The following PHIP variants were observed in gnomAD, a reference collection of about 807,000 sequenced individuals.
PHIP encodes the protein PHIP subunit of CUL4-Ring ligase complex.
PHIP carries 54 observed loss-of-function variants against 236.8 expected under a neutral mutation model. The observed-to-expected ratio is 0.23, with a 90% CI of 0.18 to 0.29. The LOEUF (loss-of-function observed/expected upper bound fraction) is 0.29. Among genes scored for constraint, PHIP ranks in the 10% least tolerant of loss-of-function variants. The probability of loss-of-function intolerance (pLI) is 1.00; values close to 1 mark genes in which losing one functional copy is unlikely to be tolerated. For synonymous variants in PHIP, 756 were observed against 718.9 expected, an observed-to-expected ratio of 1.05 and a Z score of -0.83; for missense variants, 1,370 against 2,190.8, an observed-to-expected ratio of 0.63 and a Z score of 7.48.
chr6:79,048,705 A>C (rs1264690769), intron 6 of PHIP, among the ~76,000 whole-genome samples: 2 of 152,248 alleles, frequency 1.3e-5, no homozygotes, highest in Middle Eastern at 3.2e-3. Context: ...GTTAATAACA[A>C]TATAATATGC....
intron 38 of PHIP, 101 bp from the exon 39 acceptor site, chr6:78,945,598 C>G (rs1773769598): frequency 2.7e-6 from 2 of 732,178 alleles, no homozygotes; most frequent in Non-Finnish European, 4.6e-6. Context: ...ACAACAAAAC[C>G]TGAAGGATGC....
At chr6:79,052,686 G>T (rs1772856589) in intron 6 of PHIP, among the ~76,000 whole-genome samples, 1 of 152,138 alleles carries the variant, frequency 6.6e-6, no homozygotes, top group Non-Finnish European at 1.5e-5. Context: ...TAATCAGCTT[G>T]ACACCAAAAT....
chr6:79,022,579 T>C (rs1032885265), intron 9 of PHIP, among the ~76,000 whole-genome samples: 3 of 152,188 alleles, frequency 2.0e-5, no homozygotes, highest in African/African-American at 7.2e-5. Flanking sequence ...TGCTTAGTAC[T>C]AGCTTGGCAG....
At position 79,056,419 on chromosome 6, in the gene PHIP, G is replaced by T. The variant is rs1192692034; in HGVS notation, c.439+4059C>A. 2.0e-5 allele frequency among the ~76,000 whole-genome samples: 3 copies of T among 152,136 alleles called. No homozygotes were observed. In the East Asian group the frequency reaches 5.8e-4, roughly 29 times the overall value. On this transcript the variant is annotated intron_variant, in intron 6 of 39. Transcript: ENST00000275034. Reference sequence around the variant, plus strand: ...TGGCAGGAAAAGTGGGAAAAGGTCAGTCTTGTGTGACACATTAAAATGGTT... The same window carrying T: ...TGGCAGGAAAAGTGGGAAAAGGTCATTCTTGTGTGACACATTAAAATGGTT...
chr6:78,998,294 A>G lies in PHIP; in HGVS notation c.1977T>C (p.Ser659=). Residue 659 remains serine (S), a synonymous_variant, in exon 18 of 40, where the codon TCT becomes TCC. Transcript: ENST00000275034. ...TGGTATTACTGATAACTGCTTCACC[A>G]GAACGTCTCAGGTCTTGCTCCTGTT... ...RLQQEQDLRR[S]GEAVISNTSR... The G allele has an allele frequency of 6.2e-7, 1 of 1,610,982 alleles. No individual in the cohort carries two copies. Among genetic ancestry groups the G allele is most frequent in the Non-Finnish European group, 8.5e-7 (1 of 1,177,180 alleles).
chr6:78,997,971 A>G (rs1277464624), intron 18 of PHIP, among the ~76,000 whole-genome samples: 1 of 152,218 alleles, frequency 6.6e-6, no homozygotes, highest in Non-Finnish European at 1.5e-5. Context: ...TACAACAATA[A>G]GGGTGATGAG....
intron 4 of PHIP, among the ~76,000 whole-genome samples, chr6:79,072,039 T>C (rs1359804162): frequency 6.6e-6 from 1 of 151,998 alleles, no homozygotes; most frequent in Non-Finnish European, 1.5e-5. Flanking sequence ...TACCTAAAGC[T>C]AAAGTCTTTC....
intron 6 of PHIP, among the ~76,000 whole-genome samples, chr6:79,051,265 G>A (rs1772780350): frequency 6.6e-6 from 1 of 152,018 alleles, no homozygotes; most frequent in Admixed American, 6.6e-5. Context: ...CATAGAAACA[G>A]GACAAATAAA....
At chr6:78,957,053 C>T (rs1165282554) in intron 32 of PHIP, 4 of 151,978 alleles carry the variant, frequency 2.6e-5, no homozygotes. Flanking sequence ...TTTAAACAAA[C>T]TATACACATC....
In PHIP at chr6:78,945,378, GCTTTTC is replaced by G. The variant is rs775416929; in HGVS notation, c.4744_4749del (p.Glu1582_Lys1583del). On this transcript the variant is annotated inframe_deletion, in exon 39 of 40. Transcript: ENST00000275034. ...GATGACTTCATTTTACGTTTGACTG[GCTTTTC>G]CTTTTCCATGTTTTCTTTTGCAGAA... 3.1e-6 allele frequency: 5 copies of G among 1,613,442 alleles called. No individual in the cohort carries two copies. In the African/African-American group the frequency reaches 4.0e-5, roughly 13 times the overall value.
intron 4 of PHIP, among the ~76,000 whole-genome samples, chr6:79,071,375 T>C (rs1030283029): frequency 1.3e-5 from 2 of 152,316 alleles, no homozygotes; most frequent in Middle Eastern, 3.4e-3. Context: ...CTATATTCCA[T>C]AGGTCCAATA....
At chr6:79,011,626 A>G (rs765531086) in intron 15 of PHIP, among the ~76,000 whole-genome samples, 16 of 151,762 alleles carry the variant, frequency 1.1e-4, no homozygotes, top group Non-Finnish European at 1.8e-4. Flanking sequence ...CCACTCCCCA[A>G]CTGCTTTTAT....
At chr6:78,999,013 G>T (rs1388354951) in intron 17 of PHIP, among the ~76,000 whole-genome samples, 1 of 152,080 alleles carries the variant, frequency 6.6e-6, no homozygotes, top group Admixed American at 6.6e-5. Context: ...AATAAAGAAG[G>T]TGATGGTGGG....
intron 29 of PHIP, 57 bp downstream of exon 29, chr6:78,965,646 A>G: frequency 2.1e-6 from 2 of 970,142 alleles, no homozygotes; most frequent in Non-Finnish European, 3.2e-6. Context: ...AATCTTAAAT[A>G]ATTTCTTAAG....
chr6:79,066,332 T>C (rs1287851399), intron 4 of PHIP, among the ~76,000 whole-genome samples: 1 of 152,170 alleles, frequency 6.6e-6, no homozygotes, highest in Non-Finnish European at 1.5e-5. Context: ...TACATGGAAC[T>C]ACTCATAACT....
intron 7 of PHIP, among the ~76,000 whole-genome samples, chr6:79,034,988 T>C (rs1238936042): frequency 1.3e-5 from 2 of 152,110 alleles, no homozygotes; most frequent in Non-Finnish European, 2.9e-5. Flanking sequence ...CTGAAATCAG[T>C]TGGAACCAAG....
At chr6:78,968,031 G>A (rs964065194) in intron 27 of PHIP, among the ~76,000 whole-genome samples, 2 of 152,136 alleles carry the variant, frequency 1.3e-5, no homozygotes, top group South Asian at 2.1e-4. Flanking sequence ...CCAGCTAATC[G>A]GGAGGCTGAG....
At chr6:78,997,809 A>G (rs1769722105) in intron 18 of PHIP, among the ~76,000 whole-genome samples, 1 of 152,228 alleles carries the variant, frequency 6.6e-6, no homozygotes, top group Non-Finnish European at 1.5e-5. Flanking sequence ...TCAATGAATC[A>G]TAACTATAGA....
intron 20 of PHIP, among the ~76,000 whole-genome samples, chr6:78,990,454 AATATT>A (rs1769160787): frequency 6.6e-6 from 1 of 152,178 alleles, no homozygotes. Context: ...GAAAATGAGA[AATATT>A]ATCTATAGCA....
Sources: allele counts gnomAD v4.1 joint callset (sites outside exome capture counted in the v4.1 genomes callset), GRCh38; gene constraint gnomAD v4.1.1; transcripts MANE v1.5; gene names NCBI Gene and HGNC (gene_info 2026-07-23, HGNC 2026-07-21).